Variants in CSMD3 observed in about 807,000 individuals in gnomAD.
CSMD3 encodes the protein CUB and Sushi multiple domains 3, also known as CUB and sushi domain-containing protein 3.
In CSMD3, 177 loss-of-function variants were observed where a neutral mutation model predicts 435.2. That is an observed-to-expected ratio of 0.41 (90% CI 0.36 to 0.46). The LOEUF is 0.46. Ranked by LOEUF, CSMD3 falls within the 20% of genes least tolerant of loss-of-function variation. CSMD3 has a pLI of 0.34. For missense variants in CSMD3, 4,265 were observed against 4,504.6 expected (o/e 0.95, Z 1.52); for synonymous variants, 1,656 against 1,520.5 (o/e 1.09, Z -2.07).
At chr8:112,366,341 T>G (rs1034852710) in intron 38 of CSMD3, among the ~76,000 whole-genome samples, 4 of 152,130 alleles carry the variant, frequency 2.6e-5, no homozygotes, top group Admixed American at 2.6e-4. Flanking sequence ...ATTCCTCTCA[T>G]CAAACAAGGG....
At chr8:112,662,488 G>A (rs894465610) in intron 17 of CSMD3, among the ~76,000 whole-genome samples, 15 of 151,930 alleles carry the variant, frequency 9.9e-5, no homozygotes, top group Non-Finnish European at 2.9e-5. Flanking sequence ...AGCTGAAACT[G>A]GATCCCTTCC....
intron 5 of CSMD3, among the ~76,000 whole-genome samples, chr8:113,089,964 T>C (rs548532063): frequency 6.6e-6 from 1 of 152,042 alleles, no homozygotes; most frequent in Admixed American, 6.6e-5. Flanking sequence ...TGTAGAATAA[T>C]ATAGGGAGGT....
chr8:112,757,979 C>T (rs2077740717), intron 13 of CSMD3, among the ~76,000 whole-genome samples: 1 of 152,006 alleles, frequency 6.6e-6, no homozygotes, highest in Non-Finnish European at 1.5e-5. Flanking sequence ...TCCTTTAAGC[C>T]CAGGAGTTCC....
chr8:112,582,644 G>T (rs990368180), intron 23 of CSMD3, among the ~76,000 whole-genome samples: 7 of 151,954 alleles, frequency 4.6e-5, no homozygotes, highest in Non-Finnish European at 1.0e-4. Flanking sequence ...CATGAAAAAG[G>T]GTCACTTTTG....
At chr8:113,195,915 C>G (rs1183539471) in intron 3 of CSMD3, among the ~76,000 whole-genome samples, 3 of 149,708 alleles carry the variant, frequency 2.0e-5, no homozygotes, top group Non-Finnish European at 4.5e-5. Flanking sequence ...TTTTTGCCTT[C>G]ACTTCCTCTC....
chr8:112,751,219 G>A (rs1469256108), intron 13 of CSMD3, among the ~76,000 whole-genome samples: 1 of 152,088 alleles, frequency 6.6e-6, no homozygotes. Context: ...TCTGAGGCAT[G>A]TCTTCATAAT....
intron 45 of CSMD3, among the ~76,000 whole-genome samples, chr8:112,334,355 T>C (rs1042197798): frequency 6.6e-6 from 1 of 152,198 alleles, no homozygotes; most frequent in Non-Finnish European, 1.5e-5. Flanking sequence ...ATTTACTATA[T>C]ACTATATTTT....
chr8:112,774,528 T>G (rs1256253760), intron 13 of CSMD3, among the ~76,000 whole-genome samples: 8 of 152,034 alleles, frequency 5.3e-5, no homozygotes, highest in Non-Finnish European at 1.2e-4. Flanking sequence ...GAAATCTACT[T>G]TATTTTTCTA....
chr8:113,376,726 C>A, intron 1 of CSMD3: 2 of 1,613,876 alleles, frequency 1.2e-6, no homozygotes, highest in Middle Eastern at 1.7e-4. Context: ...GCCTAAGAGC[C>A]AGGATATCTA....
At position 113,173,922 on chromosome 8, in the gene CSMD3, A is replaced by C; in HGVS notation, c.515-6T>G. ...ACAAGAGCTACTCTGCAATTCTATT[A>C]AAAAGGAGGAAAAGGAGAGTTTACA... On this transcript the variant is annotated splice_region_variant and splice_polypyrimidine_tract_variant and intron_variant, in intron 3 of 70. Transcript: ENST00000297405. 1 of 1,603,930 alleles carries C rather than the reference A, an allele frequency of 6.2e-7. No homozygotes were observed. The highest frequency in any genetic ancestry group is 8.5e-7 in the Non-Finnish European group (1 of 1,170,756).
intron 31 of CSMD3, among the ~76,000 whole-genome samples, chr8:112,483,306 C>T (rs572403627): frequency 1.3e-5 from 2 of 152,142 alleles, no homozygotes; most frequent in South Asian, 4.1e-4. Flanking sequence ...GACTGGCCAA[C>T]ATGGCAGAAT....
intron 3 of CSMD3, among the ~76,000 whole-genome samples, chr8:113,272,609 C>T (rs543919635): frequency 6.2e-4 from 94 of 152,276 alleles, no homozygotes; most frequent in Non-Finnish European, 1.2e-3. Flanking sequence ...GAGGCCTCCC[C>T]AGCCATGTGG....
intron 10 of CSMD3, among the ~76,000 whole-genome samples, chr8:112,875,652 G>T (rs1034435720): frequency 2.6e-5 from 4 of 151,898 alleles, no homozygotes; most frequent in African/African-American, 9.7e-5. Flanking sequence ...TTGTCTTCAT[G>T]CTTTATTTCA....
At chr8:112,229,982 C>T (rs916700534) in intron 69 of CSMD3, among the ~76,000 whole-genome samples, 5 of 151,528 alleles carry the variant, frequency 3.3e-5, no homozygotes, top group African/African-American at 4.9e-5. Context: ...TGAAAATTAG[C>T]AGAACTTGTT....
chr8:112,865,856 T>G (rs112676088), intron 10 of CSMD3, among the ~76,000 whole-genome samples: 5,393 of 152,212 alleles, frequency 0.035, 150 homozygotes, highest in Middle Eastern at 0.051. Context: ...ACTCAATGAA[T>G]GAATGAGTGA....
chr8:112,891,773 T>C (rs539562980), intron 10 of CSMD3, among the ~76,000 whole-genome samples: 3 of 151,692 alleles, frequency 2.0e-5, no homozygotes, highest in Non-Finnish European at 3.0e-5. Flanking sequence ...CTGAGGCTTA[T>C]ATATAATTTG....
chr8:113,401,324 G>A (rs759827502), intron 1 of CSMD3, among the ~76,000 whole-genome samples: 2 of 151,576 alleles, frequency 1.3e-5, no homozygotes, highest in African/African-American at 2.4e-5. Context: ...CAGATAACTC[G>A]CTATAAAAAT....
chr8:112,578,374 G>A (rs931919803), intron 23 of CSMD3, among the ~76,000 whole-genome samples: 1 of 151,912 alleles, frequency 6.6e-6, no homozygotes, highest in African/African-American at 2.4e-5. Context: ...CTACATTAAA[G>A]TTCTGCAGCT....
At chr8:113,190,583 T>C (rs1386380304) in intron 3 of CSMD3, among the ~76,000 whole-genome samples, 4 of 151,802 alleles carry the variant, frequency 2.6e-5, no homozygotes, top group Non-Finnish European at 1.5e-5. Context: ...TTTTCAACCC[T>C]TTTAACTGAT....
Sources: gnomAD v4.1 joint callset for allele counts (sites outside exome capture counted in the v4.1 genomes callset) on GRCh38, gnomAD v4.1.1 for gene constraint, MANE v1.5 for transcripts, NCBI Gene and HGNC (gene_info 2026-07-23, HGNC 2026-07-21) for gene names.